Variants in RAB27B observed in about 807,000 individuals in gnomAD.
RAB27B encodes the protein RAB27B, member RAS oncogene family, also known as ras-related protein Rab-27B.
Under a neutral mutation model 24.6 loss-of-function variants are expected in RAB27B, and 15 were observed. That is an observed-to-expected ratio of 0.61 (90% CI 0.41 to 0.94). The LOEUF (loss-of-function observed/expected upper bound fraction) is 0.94. Among genes scored for constraint, RAB27B ranks in the 40% least tolerant of loss-of-function variants. The pLI is 0.00. For missense variants in RAB27B, 261 were observed against 266.8 expected, an observed-to-expected ratio of 0.98 and a Z score of 0.15; for synonymous variants, 105 against 92.5, an observed-to-expected ratio of 1.14 and a Z score of -0.78.
At chr18:54,847,839 T>TA (rs1259679428) in intron 1 of RAB27B, among the ~76,000 whole-genome samples, 4 of 116,568 alleles carry the variant, frequency 3.4e-5, no homozygotes, top group African/African-American at 1.1e-4. Context: ...GGGACTCGTT[T>TA]AAAAAAAGAA....
chr18:54,746,945 G>T (rs2145023434), intron 2 of RAB27B, among the ~76,000 whole-genome samples: 1 of 152,214 alleles, frequency 6.6e-6, no homozygotes, highest in Middle Eastern at 3.4e-3. Flanking sequence ...TGGCTTAGGG[G>T]CTATGATGAG....
intron 2 of RAB27B, among the ~76,000 whole-genome samples, chr18:54,719,179 T>G (rs1286215239): frequency 6.6e-6 from 1 of 152,200 alleles, no homozygotes; most frequent in African/African-American, 2.4e-5. Flanking sequence ...ATTTGTTAAA[T>G]AATTTTTAAA....
chr18:54,818,497 C>T (rs1910189973), intron 2 of RAB27B, among the ~76,000 whole-genome samples: 1 of 152,052 alleles, frequency 6.6e-6, no homozygotes, highest in Non-Finnish European at 1.5e-5. Flanking sequence ...CTGCTTCTCC[C>T]TCATTTGGCA....
At chr18:54,845,686 G>A (rs1911308688) in intron 1 of RAB27B, among the ~76,000 whole-genome samples, 1 of 152,098 alleles carries the variant, frequency 6.6e-6, no homozygotes, top group South Asian at 2.1e-4. Flanking sequence ...GGTTATCCAA[G>A]TGTACTTTTC....
chr18:54,774,362 A>G lies in RAB27B; in HGVS notation c.-20+56221A>G, dbSNP rs1908650404. On this transcript the variant is annotated intron_variant, in intron 2 of 4. Coordinates refer to the RAB27B transcript ENST00000586570. ...ATGTGTAATCTCAATAATCCTTCCA[A>G]CAACTTAAAGAAGGTACTATTATTT... 2.0e-5 allele frequency among the ~76,000 whole-genome samples: 3 copies of G among 152,212 alleles called. No homozygotes were observed. The South Asian group carries it at 6.2e-4, about 32-fold the overall frequency.
At chr18:54,852,479 G>C (rs981418367) in intron 1 of RAB27B, among the ~76,000 whole-genome samples, 1 of 152,198 alleles carries the variant, frequency 6.6e-6, no homozygotes, top group Non-Finnish European at 1.5e-5. Context: ...GTTGAGAACA[G>C]CTGTTTCTGT....
In RAB27B at chr18:54,867,442, CTTTTTT is replaced by C. The variant is rs548288719; in HGVS notation, c.-19-10110_-19-10105del. ...CTGATGCTTTCTTTTCTTTTCTTTT[CTTTTTT>C]TTTTTTTTTTTTTTCTGAGATGGAG... is the stretch of plus-strand genomic sequence containing the variant. On this transcript the variant is annotated intron_variant, in intron 1 of 5. Transcript: ENST00000262094. Among the ~76,000 whole-genome samples, 34 of 98,798 alleles carry C rather than the reference CTTTTTT, an allele frequency of 3.4e-4. No homozygotes were observed. In the South Asian group the frequency reaches 0.01, roughly 30 times the overall value. 64.8% of individuals were successfully genotyped at this position (98,798 alleles called of 152,430 possible).
chr18:54,783,341 T>A (rs1016611108), intron 2 of RAB27B, among the ~76,000 whole-genome samples: 2 of 152,266 alleles, frequency 1.3e-5, no homozygotes, highest in South Asian at 4.1e-4. Context: ...TTTTGGAGTT[T>A]GAAGAATGTA....
chr18:54,861,687 G>A (rs1319980886), intron 1 of RAB27B, among the ~76,000 whole-genome samples: 2 of 152,216 alleles, frequency 1.3e-5, no homozygotes, highest in Non-Finnish European at 2.9e-5. Context: ...AATCATTAGG[G>A]AGAGTGTTAA....
intron 2 of RAB27B, among the ~76,000 whole-genome samples, chr18:54,771,132 G>T (rs996420288): frequency 1.3e-5 from 2 of 152,142 alleles, no homozygotes; most frequent in Admixed American, 1.3e-4. Context: ...CCACTATCCA[G>T]AAAATGCTGA....
intron 1 of RAB27B, among the ~76,000 whole-genome samples, chr18:54,859,127 A>G (rs1568101198): frequency 1.3e-5 from 2 of 152,200 alleles, no homozygotes; most frequent in Non-Finnish European, 2.9e-5. Flanking sequence ...AACATACCCC[A>G]GTCTGTGTCC....
rs530701309 is a variant in RAB27B, at chr18:54,879,395, A to C, written c.180A>C (p.Gly60=). 2 of 1,612,864 alleles carry C rather than the reference A, an allele frequency of 1.2e-6. No individual in the cohort carries two copies. The highest frequency in any genetic ancestry group is 1.7e-5 in the Admixed American group (1 of 60,012). Residue 60 remains glycine, a synonymous_variant, in exon 3 of 6, where the codon GGA becomes GGC. Transcript: ENST00000262094. The stretch of plus-strand genomic sequence containing the variant: ...TTTATAATGCACAAGGACCGAATGG[A>C]TCTTCAGGGAAAGCATTTAAAGTGC... ...RVVYNAQGPN[G]SSGKAFKVHL...
intron 1 of RAB27B, among the ~76,000 whole-genome samples, chr18:54,840,931 G>A (rs879259386): frequency 8.5e-5 from 13 of 152,190 alleles, no homozygotes; most frequent in Middle Eastern, 6.8e-3. Context: ...GGCGGATCAT[G>A]AGGTCAGGAG....
chr18:54,782,604 G>A (rs2145094469), intron 2 of RAB27B, among the ~76,000 whole-genome samples: 1 of 152,154 alleles, frequency 6.6e-6, no homozygotes, highest in Non-Finnish European at 1.5e-5. Flanking sequence ...AAATATAATG[G>A]AAATTCCAAG....
chr18:54,860,815 A>G (rs911201414), intron 1 of RAB27B, among the ~76,000 whole-genome samples: 1 of 152,192 alleles, frequency 6.6e-6, no homozygotes, highest in East Asian at 1.9e-4. Context: ...GAAACAAACA[A>G]GCACCTTCTT....
At chr18:54,725,370 T>G (rs1367474665) in intron 2 of RAB27B, among the ~76,000 whole-genome samples, 2 of 151,442 alleles carry the variant, frequency 1.3e-5, no homozygotes, top group African/African-American at 4.8e-5. Context: ...GGATTCAAGT[T>G]TCCAAACAGT....
At chr18:54,853,883 C>A (rs1382765264) in intron 1 of RAB27B, among the ~76,000 whole-genome samples, 2 of 152,106 alleles carry the variant, frequency 1.3e-5, no homozygotes. Flanking sequence ...CACCCTCTAT[C>A]ATTTGTATTT....
intron 1 of RAB27B, among the ~76,000 whole-genome samples, chr18:54,846,926 C>G (rs2145210764): frequency 6.6e-6 from 1 of 152,122 alleles, no homozygotes; most frequent in East Asian, 1.9e-4. Flanking sequence ...TCTCGGCTCA[C>G]TGCAAACTCC....
intron 1 of RAB27B, among the ~76,000 whole-genome samples, chr18:54,835,463 C>A (rs1176773387): frequency 6.6e-6 from 1 of 151,950 alleles, no homozygotes; most frequent in African/African-American, 2.4e-5. Flanking sequence ...TGATCTTAAT[C>A]TTCCTAAGGT....
Sources: gnomAD v4.1 joint callset for allele counts (sites outside exome capture counted in the v4.1 genomes callset) on GRCh38, gnomAD v4.1.1 for gene constraint, MANE v1.5 for transcripts, NCBI Gene and HGNC (gene_info 2026-07-23, HGNC 2026-07-21) for gene names.